PCDH9: variants seen among roughly 807,000 people sequenced by gnomAD.
The protein encoded by PCDH9 is protocadherin 9, also known as protocadherin-9.
Under a neutral mutation model 70.6 loss-of-function variants are expected in PCDH9, and 24 were observed. The ratio of observed to expected loss-of-function variants is 0.34; its 90% CI spans 0.25 to 0.48. The LOEUF (loss-of-function observed/expected upper bound fraction) is 0.48, where lower values mean the gene tolerates loss of function less well. Among genes scored for constraint, PCDH9 ranks in the 20% least tolerant of loss-of-function variants. The probability of loss-of-function intolerance (pLI) is 0.99; values close to 1 mark genes in which losing one functional copy is unlikely to be tolerated. For missense variants in PCDH9, 1,281 were observed against 1,503.6 expected, an observed-to-expected ratio of 0.85 and a Z score of 2.45; for synonymous variants, 562 against 558.5, an observed-to-expected ratio of 1.01 and a Z score of -0.09.
chr13:66,698,188 C>T (rs531404934), intron 3 of PCDH9, among the ~76,000 whole-genome samples: 3 of 152,016 alleles, frequency 2.0e-5, no homozygotes. Flanking sequence ...GGAAAAGTTC[C>T]AGAGATGGAT....
chr13:66,306,954 C>G (rs932611752), intron 4 of PCDH9, among the ~76,000 whole-genome samples: 1 of 152,002 alleles, frequency 6.6e-6, no homozygotes, highest in Admixed American at 6.6e-5. Flanking sequence ...ATCCACGCTC[C>G]CTGCATTAGG....
At chr13:66,559,295 A>G (rs1382002225) in intron 4 of PCDH9, among the ~76,000 whole-genome samples, 1 of 139,550 alleles carries the variant, frequency 7.2e-6, no homozygotes, top group Admixed American at 7.0e-5. Context: ...TATTTCCTGA[A>G]CTCCTTCTTT....
chr13:66,771,842 T>C (rs574711339), intron 3 of PCDH9, among the ~76,000 whole-genome samples: 29 of 152,330 alleles, frequency 1.9e-4, no homozygotes, highest in African/African-American at 6.5e-4. Context: ...AAAAGTTGCA[T>C]AAATCACTGA....
At chr13:66,834,768 C>A in intron 3 of PCDH9, among the ~76,000 whole-genome samples, 1 of 152,144 alleles carries the variant, frequency 6.6e-6, no homozygotes, top group Non-Finnish European at 1.5e-5. Context: ...TACTCAAATG[C>A]CACTAATATT....
At chr13:66,348,389 A>G (rs1458428445) in intron 4 of PCDH9, among the ~76,000 whole-genome samples, 1 of 111,116 alleles carries the variant, frequency 9.0e-6, no homozygotes, top group Admixed American at 1.1e-4. Context: ...ACAAAAAGTA[A>G]CATTTTCTTT....
chr13:67,027,026 G>C (rs2084796403), intron 2 of PCDH9, among the ~76,000 whole-genome samples: 1 of 152,114 alleles, frequency 6.6e-6, no homozygotes, highest in Admixed American at 6.6e-5. Flanking sequence ...TCCCCATCAA[G>C]CTACCAATGA....
rs1372656916 is a variant in PCDH9 at position 66,303,828 on chromosome 13, T to G, written c.*827A>C. 1 of 152,094 alleles carries G rather than the reference T, an allele frequency of 6.6e-6. No homozygotes were observed. The highest frequency in any genetic ancestry group is 1.9e-4 in the East Asian group (1 of 5,194). 9.4% of individuals were successfully genotyped at this position (152,094 alleles called of 1,614,324 possible). A position where few individuals can be genotyped will look rare whatever the true frequency, so the allele number is the denominator to read the frequency against. On this transcript the variant is annotated 3_prime_UTR_variant, in exon 5 of 5. Transcript: ENST00000377865. ...TGCAGAAGTCCTTTTTTGTATAAAG[T>G]TTTCATTTTTTCTTTCATCTTTATT...
chr13:66,719,038 C>A (rs1252233413), intron 3 of PCDH9, among the ~76,000 whole-genome samples: 2 of 152,132 alleles, frequency 1.3e-5, no homozygotes, highest in Non-Finnish European at 2.9e-5. Context: ...ATTTACAAAA[C>A]TTAGTTAATA....
At chr13:66,391,146 G>A (rs1957010017) in intron 4 of PCDH9, among the ~76,000 whole-genome samples, 2 of 152,070 alleles carry the variant, frequency 1.3e-5, no homozygotes, top group Admixed American at 6.6e-5. Flanking sequence ...TTAGTCTAAT[G>A]CTGTAATATA....
intron 4 of PCDH9, among the ~76,000 whole-genome samples, chr13:66,443,188 G>A (rs562859781): frequency 6.6e-6 from 1 of 152,262 alleles, no homozygotes; most frequent in Admixed American, 6.5e-5. Flanking sequence ...AAAATAAACA[G>A]ATTTAAGACA....
chr13:66,438,004 C>A (rs573568208), intron 4 of PCDH9, among the ~76,000 whole-genome samples: 1 of 151,874 alleles, frequency 6.6e-6, no homozygotes, highest in Non-Finnish European at 1.5e-5. Context: ...GAGGCTGAGG[C>A]GGGTGGATCA....
At chr13:66,753,908 A>T (rs1161137569) in intron 3 of PCDH9, among the ~76,000 whole-genome samples, 1 of 152,210 alleles carries the variant, frequency 6.6e-6, no homozygotes, top group Non-Finnish European at 1.5e-5. Context: ...ATTTGTTGTA[A>T]TAACATTAAT....
chr13:66,606,754 A>AT (rs911513966), intron 4 of PCDH9, among the ~76,000 whole-genome samples: 29 of 150,772 alleles, frequency 1.9e-4, no homozygotes, highest in Middle Eastern at 3.4e-3. Flanking sequence ...TAAAACTGGC[A>AT]TTTTTTTTTC....
intron 3 of PCDH9, among the ~76,000 whole-genome samples, chr13:66,854,751 T>C (rs1194625740): frequency 2.0e-5 from 3 of 152,234 alleles, no homozygotes; most frequent in East Asian, 1.9e-4. Flanking sequence ...ACAGAGGAAA[T>C]GTGTTAGATA....
chr13:66,933,632 T>C (rs1369805004), intron 2 of PCDH9, among the ~76,000 whole-genome samples: 1 of 152,206 alleles, frequency 6.6e-6, no homozygotes, highest in Non-Finnish European at 1.5e-5. Flanking sequence ...GAGATATTTT[T>C]AGTTGTTCCT....
At chr13:67,004,286 A>G (rs2084303523) in intron 2 of PCDH9, among the ~76,000 whole-genome samples, 1 of 152,112 alleles carries the variant, frequency 6.6e-6, no homozygotes, top group Admixed American at 6.6e-5. Context: ...AAAGAAATTT[A>G]TAGGACAGTT....
intron 2 of PCDH9, among the ~76,000 whole-genome samples, chr13:66,926,782 G>A (rs2082724344): frequency 6.6e-6 from 1 of 151,998 alleles, no homozygotes; most frequent in Non-Finnish European, 1.5e-5. Context: ...ACAATTTTTT[G>A]TGTTAAGTGC....
intron 4 of PCDH9, among the ~76,000 whole-genome samples, chr13:66,570,390 G>A (rs1281831284): frequency 6.6e-6 from 1 of 152,090 alleles, no homozygotes; most frequent in Non-Finnish European, 1.5e-5. Context: ...ATAAAATTGT[G>A]TAAAACTAAA....
intron 3 of PCDH9, among the ~76,000 whole-genome samples, chr13:66,730,194 G>T (rs2079054398): frequency 6.6e-6 from 1 of 151,876 alleles, no homozygotes; most frequent in Non-Finnish European, 1.5e-5. Context: ...TCATATCCTG[G>T]AATCTTTCTT....
Sources: allele counts gnomAD v4.1 joint callset (sites outside exome capture counted in the v4.1 genomes callset), GRCh38; gene constraint gnomAD v4.1.1; transcripts MANE v1.5; gene names NCBI Gene and HGNC (gene_info 2026-07-23, HGNC 2026-07-21).